Variants in RARB observed in about 807,000 individuals in gnomAD.
RARB encodes the protein retinoic acid receptor beta.
A neutral mutation model predicts 51.9 loss-of-function variants in RARB; 17 were observed. That is an observed-to-expected ratio of 0.33 (90% CI 0.22 to 0.49). The LOEUF (loss-of-function observed/expected upper bound fraction) is 0.49, where lower values mean the gene tolerates loss of function less well. Among genes scored for constraint, RARB ranks in the 20% least tolerant of loss-of-function variants. RARB has a pLI of 0.99. For missense variants in RARB, 369 were observed against 550.8 expected (o/e 0.67, Z 3.30); for synonymous variants, 215 against 195.4 (o/e 1.10, Z -0.84).
At chr3:24,962,918 G>A (rs912802672) in intron 2 of RARB, among the ~76,000 whole-genome samples, 1 of 152,146 alleles carries the variant, frequency 6.6e-6, no homozygotes, top group African/African-American at 2.4e-5. Context: ...CCATTTTACA[G>A]ATGAGGAACT....
chr3:25,199,489 C>T (rs1701336749), intron 5 of RARB, among the ~76,000 whole-genome samples: 1 of 152,012 alleles, frequency 6.6e-6, no homozygotes, highest in South Asian at 2.1e-4. Context: ...TTTTAGGGTA[C>T]ATGTGCACAA....
intron 2 of RARB, among the ~76,000 whole-genome samples, chr3:25,014,416 T>A (rs1697463859): frequency 6.6e-6 from 1 of 152,092 alleles, no homozygotes; most frequent in Non-Finnish European, 1.5e-5. Context: ...TAGAGAGAAG[T>A]TCAGGAGGAT....
intron 5 of RARB, among the ~76,000 whole-genome samples, chr3:25,406,387 G>A (rs1559387672): frequency 6.6e-6 from 1 of 152,206 alleles, no homozygotes; most frequent in Non-Finnish European, 1.5e-5. Context: ...CAATAGAAAT[G>A]TATTGTATCA....
chr3:25,157,707 A>G (rs972015715), intron 4 of RARB, among the ~76,000 whole-genome samples: 3 of 152,292 alleles, frequency 2.0e-5, no homozygotes, highest in South Asian at 2.1e-4. Flanking sequence ...CTAAGTATCT[A>G]TATTAACTCA....
intron 3 of RARB, among the ~76,000 whole-genome samples, chr3:25,069,395 C>G (rs569620103): frequency 6.6e-6 from 1 of 152,158 alleles, no homozygotes; most frequent in South Asian, 2.1e-4. Flanking sequence ...TCTCTAAGGG[C>G]TTTCCCAGAC....
In RARB at chr3:25,524,628, G is replaced by GCCTCCCTCCTTCCTC. The variant is rs1559450447; in HGVS notation, c.448+23320_448+23334dup. Among the ~76,000 whole-genome samples, 34 of 109,592 alleles carry GCCTCCCTCCTTCCTC rather than the reference G, an allele frequency of 3.1e-4. 1 individual carries two copies. In the South Asian group the frequency reaches 8.6e-3, roughly 28 times the overall value. 71.9% of individuals were successfully genotyped at this position (109,592 alleles called of 152,430 possible). A position where few individuals can be genotyped will look rare whatever the true frequency, so the allele number is the denominator to read the frequency against. On this transcript the variant is annotated intron_variant, in intron 3 of 7. Coordinates refer to ENST00000330688, the MANE Select transcript of RARB (RefSeq NM_000965.5). ...TTCCCCCCTCCCTTCCTCCCTCCCT[G>GCCTCCCTCCTTCCTC]CCTCCCTCCTTCCTCCCTCCCTCCT...
intron 2 of RARB, among the ~76,000 whole-genome samples, chr3:24,945,383 ACAG>A (rs773170933): frequency 2.0e-5 from 3 of 152,358 alleles, no homozygotes; most frequent in East Asian, 3.9e-4. Flanking sequence ...AGTCAGGATA[ACAG>A]CAGTGTGTGA....
At chr3:24,925,068 A>G (rs1424883884) in intron 2 of RARB, among the ~76,000 whole-genome samples, 2 of 152,092 alleles carry the variant, frequency 1.3e-5, no homozygotes, top group Non-Finnish European at 2.9e-5. Context: ...CGAAAGGCAA[A>G]TCTTGGCATT....
intron 5 of RARB, among the ~76,000 whole-genome samples, chr3:25,334,401 C>G (rs1704999048): frequency 6.6e-6 from 1 of 152,152 alleles, no homozygotes; most frequent in South Asian, 2.1e-4. Flanking sequence ...AAGTAGGAAA[C>G]CATCATTCTG....
At chr3:25,576,469 C>T (rs1181599197) in intron 4 of RARB, among the ~76,000 whole-genome samples, 1 of 152,134 alleles carries the variant, frequency 6.6e-6, no homozygotes, top group African/African-American at 2.4e-5. Context: ...ACCACCCCAC[C>T]CCTGCACTCG....
chr3:25,491,641 C>T (rs1696743249), intron 2 of RARB, among the ~76,000 whole-genome samples: 1 of 152,116 alleles, frequency 6.6e-6, no homozygotes, highest in Non-Finnish European at 1.5e-5. Flanking sequence ...GTCTCTTATT[C>T]AAAAATTATT....
At chr3:25,153,859 C>T (rs988764251) in intron 4 of RARB, among the ~76,000 whole-genome samples, 1 of 152,140 alleles carries the variant, frequency 6.6e-6, no homozygotes, top group Non-Finnish European at 1.5e-5. Flanking sequence ...TTGTACTTAG[C>T]ACAATATTCT....
At chr3:25,533,123 C>T (rs1698997194) in intron 3 of RARB, among the ~76,000 whole-genome samples, 1 of 152,078 alleles carries the variant, frequency 6.6e-6, no homozygotes, top group Non-Finnish European at 1.5e-5. Flanking sequence ...ATTGTAAAGG[C>T]CATGTTAATG....
intron 2 of RARB, among the ~76,000 whole-genome samples, chr3:24,902,533 C>T (rs770513214): frequency 6.6e-6 from 1 of 152,018 alleles, no homozygotes; most frequent in Non-Finnish European, 1.5e-5. Flanking sequence ...ATGATAAAAA[C>T]GGGTAATTTG....
intron 3 of RARB, among the ~76,000 whole-genome samples, chr3:25,561,968 GAAAGAAATATA>G (rs1352259817): frequency 6.6e-6 from 1 of 152,128 alleles, no homozygotes; most frequent in Non-Finnish European, 1.5e-5. Flanking sequence ...CCTATTCCAT[GAAAGAAATATA>G]AAGGAGTGTG....
At chr3:24,890,119 T>G (rs1703349298) in intron 2 of RARB, among the ~76,000 whole-genome samples, 1 of 152,176 alleles carries the variant, frequency 6.6e-6, no homozygotes, top group African/African-American at 2.4e-5. Context: ...CTATTTGTCT[T>G]AACACAGAAG....
chr3:25,473,667 C>T (rs1695812065), intron 2 of RARB, among the ~76,000 whole-genome samples: 1 of 152,164 alleles, frequency 6.6e-6, no homozygotes, highest in South Asian at 2.1e-4. Context: ...TGTCTGCTTC[C>T]TTTTCACTGG....
intron 2 of RARB, among the ~76,000 whole-genome samples, chr3:24,890,409 C>T (rs1365447287): frequency 1.3e-5 from 2 of 152,136 alleles, no homozygotes; most frequent in African/African-American, 2.4e-5. Flanking sequence ...ATATCTCAGG[C>T]TTTCTGAGAG....
At chr3:25,003,218 G>C (rs1447586173) in intron 2 of RARB, among the ~76,000 whole-genome samples, 3 of 145,112 alleles carry the variant, frequency 2.1e-5, no homozygotes, top group Admixed American at 6.8e-5. Context: ...AACTGCTTTT[G>C]AAATCAAGTT....
Sources: gnomAD v4.1 joint callset for allele counts (sites outside exome capture counted in the v4.1 genomes callset) on GRCh38, gnomAD v4.1.1 for gene constraint, MANE v1.5 for transcripts, NCBI Gene and HGNC (gene_info 2026-07-23, HGNC 2026-07-21) for gene names.